Variants in SPON1 observed in about 807,000 individuals in gnomAD.
SPON1 encodes spondin 1.
In SPON1, 52 loss-of-function variants were observed where a neutral mutation model predicts 111.7. The observed-to-expected ratio is 0.47, with a 90% CI of 0.37 to 0.59. The LOEUF (loss-of-function observed/expected upper bound fraction) is 0.59, where lower values mean the gene tolerates loss of function less well. Ranked by LOEUF, SPON1 falls within the 20% of genes least tolerant of loss-of-function variation. SPON1 has a pLI of 0.00. For missense variants in SPON1, 957 were observed against 1,068.5 expected (o/e 0.90, Z 1.46); for synonymous variants, 410 against 395.8 (o/e 1.04, Z -0.43).
intron 6 of SPON1, among the ~76,000 whole-genome samples, chr11:14,174,337 A>G (rs551025053): frequency 6.6e-6 from 1 of 152,322 alleles, no homozygotes; most frequent in Admixed American, 6.5e-5. Context: ...TCTCTGATCC[A>G]AGTGTGCTAA....
chr11:14,005,898 A>G (rs1361729738), intron 2 of SPON1, among the ~76,000 whole-genome samples: 1 of 152,144 alleles, frequency 6.6e-6, no homozygotes, highest in African/African-American at 2.4e-5. Flanking sequence ...TGACCTCTCT[A>G]AGGCTCGGTT....
intron 6 of SPON1, among the ~76,000 whole-genome samples, chr11:14,176,431 C>T (rs1017845554): frequency 3.3e-5 from 5 of 152,082 alleles, no homozygotes; most frequent in African/African-American, 1.2e-4. Context: ...CCCCAGGAGC[C>T]GAACAGACAC....
intron 5 of SPON1, among the ~76,000 whole-genome samples, chr11:14,124,211 C>A (rs1847430588): frequency 6.6e-6 from 1 of 152,180 alleles, no homozygotes; most frequent in Non-Finnish European, 1.5e-5. Context: ...CACGCACACA[C>A]TACCATGACC....
At chr11:14,098,444 C>T (rs1214818883) in intron 5 of SPON1, among the ~76,000 whole-genome samples, 3 of 152,020 alleles carry the variant, frequency 2.0e-5, no homozygotes, top group African/African-American at 7.2e-5. Flanking sequence ...TTGTTTTTTC[C>T]TTCCTTTAGT....
At chr11:14,184,805 G>T (rs1424242766) in intron 6 of SPON1, among the ~76,000 whole-genome samples, 3 of 152,172 alleles carry the variant, frequency 2.0e-5, no homozygotes, top group African/African-American at 7.2e-5. Flanking sequence ...GAAAACAACA[G>T]GCCTATTTGC....
At chr11:14,049,339 C>T (rs576166432) in intron 3 of SPON1, among the ~76,000 whole-genome samples, 2 of 152,302 alleles carry the variant, frequency 1.3e-5, no homozygotes, top group South Asian at 4.2e-4. Context: ...TTACAGAAAC[C>T]TCCTGACTGA....
At chr11:14,233,627 C>T (rs983581664) in intron 6 of SPON1, among the ~76,000 whole-genome samples, 39 of 152,128 alleles carry the variant, frequency 2.6e-4, no homozygotes, top group African/African-American at 8.9e-4. Flanking sequence ...ACAAGCCAGG[C>T]TGGTGCTGAG....
At chr11:14,233,280 T>A (rs1361454337) in intron 6 of SPON1, among the ~76,000 whole-genome samples, 1 of 152,160 alleles carries the variant, frequency 6.6e-6, no homozygotes, top group African/African-American at 2.4e-5. Context: ...TATATCTGCA[T>A]CCCATGCCTT....
chr11:14,094,921 G>C (rs1366870220), intron 5 of SPON1, among the ~76,000 whole-genome samples: 1 of 152,184 alleles, frequency 6.6e-6, no homozygotes, highest in Non-Finnish European at 1.5e-5. Flanking sequence ...CGGTGAAAGT[G>C]GTAATGGAGA....
chr11:14,261,748 T>TA (rs372321170), intron 14 of SPON1, among the ~76,000 whole-genome samples: 39 of 152,118 alleles, frequency 2.6e-4, no homozygotes, highest in African/African-American at 7.5e-4. Flanking sequence ...CCTTCTGACT[T>TA]AGAGTGCCTG....
In SPON1 at chr11:14,255,782, C is replaced by T. The variant is rs1176838105; in HGVS notation, c.1228C>T (p.Arg410Trp). The T allele has an allele frequency of 5.6e-6, 9 of 1,613,618 alleles. No homozygotes were observed. The highest frequency in any genetic ancestry group is 2.2e-5 in the East Asian group (1 of 44,868). Residue 410 changes from arginine to tryptophan, a missense_variant, in exon 9 of 16, where the codon CGG becomes TGG. Around this residue, in one of 5 missense-constraint regions of SPON1, gnomAD observed 549 missense variants for 606.2 expected, o/e 0.91. Coordinates refer to ENST00000576479, the MANE Select transcript of SPON1 (RefSeq NM_006108.4). ...VARVVIERIA[R>W]KGEQCNIVPD... ...CAGAGTTGTCATCGAGAGAATCGCACGGAAGGTACTGGGTTAGAACCCACT... is the reference window on the plus strand; with the variant it reads ...CAGAGTTGTCATCGAGAGAATCGCATGGAAGGTACTGGGTTAGAACCCACT...
intron 4 of SPON1, among the ~76,000 whole-genome samples, chr11:14,078,188 A>G (rs955247215): frequency 1.2e-4 from 19 of 152,218 alleles, no homozygotes; most frequent in African/African-American, 4.1e-4. Flanking sequence ...TTATTTTTCA[A>G]ATGGGAGCTT....
At chr11:14,101,179 C>A (rs893415864) in intron 5 of SPON1, among the ~76,000 whole-genome samples, 6 of 151,948 alleles carry the variant, frequency 3.9e-5, no homozygotes, top group Non-Finnish European at 8.8e-5. Context: ...GTGGGCGGAT[C>A]ACCCAAGGTC....
At chr11:14,063,070 A>AG (rs1217864962) in intron 3 of SPON1, among the ~76,000 whole-genome samples, 1 of 152,074 alleles carries the variant, frequency 6.6e-6, no homozygotes, top group Non-Finnish European at 1.5e-5. Context: ...AGTGTTTTCA[A>AG]GGGACACATT....
chr11:14,189,372 G>C (rs1275108055), intron 6 of SPON1, among the ~76,000 whole-genome samples: 2 of 152,210 alleles, frequency 1.3e-5, no homozygotes, highest in African/African-American at 2.4e-5. Flanking sequence ...GGGCTTCCCT[G>C]TGTGGCCCAT....
chr11:14,219,124 C>T (rs1161116285), intron 6 of SPON1, among the ~76,000 whole-genome samples: 1 of 152,192 alleles, frequency 6.6e-6, no homozygotes, highest in African/African-American at 2.4e-5. Context: ...CACCCACTGC[C>T]ACCTATGCTG....
chr11:14,200,760 A>G (rs1458176698), intron 6 of SPON1, among the ~76,000 whole-genome samples: 1 of 138,512 alleles, frequency 7.2e-6, no homozygotes, highest in Non-Finnish European at 1.5e-5. Context: ...GGTTGCAGTG[A>G]GCCAAGATCA....
chr11:14,212,804 A>G lies in SPON1; in HGVS notation c.826-30528A>G, dbSNP rs1188717237. On this transcript the variant is annotated intron_variant, in intron 6 of 15. Transcript: ENST00000576479. The stretch of plus-strand genomic sequence containing the variant: ...AGTCTTTCCAGTATTTTCAGAAGCA[A>G]CATATAAGCAATGGGGAGCCACTGA... Among the ~76,000 whole-genome samples the G allele has an allele frequency of 5.3e-5, 8 of 152,180 alleles. 1 individual carries two copies. Among genetic ancestry groups the G allele is most frequent in the African/African-American group, 1.9e-4 (8 of 41,432 alleles).
At chr11:14,085,440 C>T (rs1848998749) in intron 5 of SPON1, among the ~76,000 whole-genome samples, 1 of 151,942 alleles carries the variant, frequency 6.6e-6, no homozygotes, top group African/African-American at 2.4e-5. Context: ...TCAGATTTGT[C>T]AAAGATTAGA....
Sources: gnomAD v4.1 joint callset for allele counts (sites outside exome capture counted in the v4.1 genomes callset) on GRCh38, gnomAD v4.1.1 for gene constraint, gnomAD v4.1.1 regional missense constraint, MANE v1.5 for transcripts, NCBI Gene and HGNC (gene_info 2026-07-23, HGNC 2026-07-21) for gene names.